Variants in NRG3 observed in about 807,000 individuals in gnomAD.
The protein encoded by NRG3 is neuregulin 3.
In NRG3, 31 loss-of-function variants were observed where a neutral mutation model predicts 66.9. The observed-to-expected ratio is 0.46, with a 90% CI of 0.35 to 0.63. The LOEUF (loss-of-function observed/expected upper bound fraction) is 0.63. Ranked by LOEUF, NRG3 falls within the 20% of genes least tolerant of loss-of-function variation. The pLI is 0.00. For synonymous variants in NRG3, 393 were observed against 359.4 expected (o/e 1.09, Z -1.06); for missense variants, 910 against 878.9 (o/e 1.04, Z -0.45).
At chr10:82,817,397 T>G (rs2061757638) in intron 3 of NRG3, among the ~76,000 whole-genome samples, 1 of 152,260 alleles carries the variant, frequency 6.6e-6, no homozygotes, top group Non-Finnish European at 1.5e-5. Context: ...TTCTATATTT[T>G]AAGCCTGAAC....
At chr10:82,064,648 T>G (rs2133266197) in intron 1 of NRG3, among the ~76,000 whole-genome samples, 1 of 152,254 alleles carries the variant, frequency 6.6e-6, no homozygotes, top group Non-Finnish European at 1.5e-5. Context: ...TGATGCACAC[T>G]TATGAGCATT....
intron 2 of NRG3, among the ~76,000 whole-genome samples, chr10:82,428,210 T>C (rs1286182276): frequency 6.6e-6 from 1 of 151,906 alleles, no homozygotes; most frequent in African/African-American, 2.4e-5. Context: ...ATCTAATCTT[T>C]ATTATTTTCT....
chr10:82,484,212 C>T (rs931780533), intron 2 of NRG3, among the ~76,000 whole-genome samples: 3 of 152,110 alleles, frequency 2.0e-5, no homozygotes, highest in South Asian at 4.1e-4. Context: ...TTTTTCATTC[C>T]TGACTTTTAA....
intron 4 of NRG3, 88 bp downstream of exon 4, chr10:82,865,525 A>G (rs1840629396): frequency 3.7e-6 from 5 of 1,344,998 alleles, no homozygotes; most frequent in Non-Finnish European, 5.2e-6. Context: ...TCTGGTTATA[A>G]TTGAAATGTC....
At chr10:82,982,654 CA>C in intron 8 of NRG3, among the ~76,000 whole-genome samples, 1 of 152,228 alleles carries the variant, frequency 6.6e-6, no homozygotes, top group South Asian at 2.1e-4. Flanking sequence ...TCCCTCTGAG[CA>C]ATCAAGTTAG....
chr10:82,791,086 A>G (rs1191686005), intron 3 of NRG3, among the ~76,000 whole-genome samples: 1 of 152,042 alleles, frequency 6.6e-6, no homozygotes, highest in African/African-American at 2.4e-5. Flanking sequence ...TAACATCAAT[A>G]TATGTATGGG....
At chr10:82,383,427 TA>T (rs5786549) in intron 2 of NRG3, among the ~76,000 whole-genome samples, 10 of 151,410 alleles carry the variant, frequency 6.6e-5, no homozygotes, top group South Asian at 4.1e-4. Context: ...TTTCCTTTTT[TA>T]AAAAAAACAC....
At chr10:82,219,730 T>A (rs1399556077) in intron 1 of NRG3, among the ~76,000 whole-genome samples, 2 of 152,122 alleles carry the variant, frequency 1.3e-5, no homozygotes, top group African/African-American at 2.4e-5. Context: ...TCCTGGCAAA[T>A]TAGTTCTAGA....
At chr10:82,237,360 T>C (rs1377780333) in intron 1 of NRG3, among the ~76,000 whole-genome samples, 2 of 152,250 alleles carry the variant, frequency 1.3e-5, no homozygotes, top group Admixed American at 6.5e-5. Flanking sequence ...GAGATCTCTA[T>C]GAATACTCCA....
At chr10:82,096,204 C>T (rs113488822) in intron 1 of NRG3, among the ~76,000 whole-genome samples, 62 of 151,876 alleles carry the variant, frequency 4.1e-4, no homozygotes, top group Non-Finnish European at 7.5e-4. Flanking sequence ...TGGCTGGGCA[C>T]AGTGGCTCAT....
At chr10:81,892,284 A>G (rs530543203) in intron 1 of NRG3, among the ~76,000 whole-genome samples, 8 of 151,992 alleles carry the variant, frequency 5.3e-5, no homozygotes, top group African/African-American at 1.9e-4. Context: ...ATGTAGGGGT[A>G]TATATATATA....
intron 2 of NRG3, among the ~76,000 whole-genome samples, chr10:82,509,877 C>G (rs918937972): frequency 6.6e-6 from 1 of 152,142 alleles, no homozygotes; most frequent in African/African-American, 2.4e-5. Context: ...AACCTCTGTC[C>G]CTACCATTCT....
chr10:81,891,592 A>G (rs1376654619), intron 1 of NRG3, among the ~76,000 whole-genome samples: 1 of 152,200 alleles, frequency 6.6e-6, no homozygotes, highest in Non-Finnish European at 1.5e-5. Context: ...AGGGAAGTTT[A>G]TCATTCCTTT....
chr10:82,495,097 C>T (rs1163584184), intron 2 of NRG3, among the ~76,000 whole-genome samples: 1 of 152,068 alleles, frequency 6.6e-6, no homozygotes, highest in Non-Finnish European at 1.5e-5. Context: ...CGGGCCACCA[C>T]ACCCAGCTAA....
At chr10:82,357,387 A>G (rs2083850973) in intron 1 of NRG3, among the ~76,000 whole-genome samples, 1 of 152,222 alleles carries the variant, frequency 6.6e-6, no homozygotes, top group Non-Finnish European at 1.5e-5. Flanking sequence ...TAATCAGGGA[A>G]GAAGCTCATT....
chr10:82,981,114 C>T (rs1564692042), intron 8 of NRG3, among the ~76,000 whole-genome samples: 1 of 152,118 alleles, frequency 6.6e-6, no homozygotes, highest in African/African-American at 2.4e-5. Context: ...AGTAAGGGTG[C>T]TTGGAGCCTG....
chr10:82,212,146 G>A (rs1167146702), intron 1 of NRG3, among the ~76,000 whole-genome samples: 1 of 152,018 alleles, frequency 6.6e-6, no homozygotes, highest in Non-Finnish European at 1.5e-5. Context: ...TGAACCATGG[G>A]AAATAGCTGA....
At position 82,116,202 on chromosome 10, in the gene NRG3, A is replaced by G. The variant is rs142286415; in HGVS notation, c.823+240039A>G. Among the ~76,000 whole-genome samples the G allele has an allele frequency of 1.1e-3, 163 of 152,204 alleles. 1 individual carries two copies. Among genetic ancestry groups the G allele is most frequent in the African/African-American group, 3.8e-3 (156 of 41,532 alleles). On this transcript the variant is annotated intron_variant, in intron 1 of 8. Transcript: ENST00000372141. ...TAGTAGTTAGATCCAGGTGGATTTG[A>G]TGGCCTGATTTTGTCCCTTATACTT...
At chr10:82,362,556 T>TG (rs2084247951) in intron 2 of NRG3, among the ~76,000 whole-genome samples, 1 of 141,756 alleles carries the variant, frequency 7.1e-6, no homozygotes. Flanking sequence ...GGGTTTTTTT[T>TG]TTTTTTTTTT....
Sources: gnomAD v4.1 joint callset for allele counts (sites outside exome capture counted in the v4.1 genomes callset) on GRCh38, gnomAD v4.1.1 for gene constraint, MANE v1.5 for transcripts, NCBI Gene and HGNC (gene_info 2026-07-23, HGNC 2026-07-21) for gene names.